Variants in PTPRZ1 observed in about 807,000 individuals in gnomAD.
PTPRZ1 encodes protein tyrosine phosphatase receptor type Z1.
A neutral mutation model predicts 214.1 loss-of-function variants in PTPRZ1; 82 were observed. The observed-to-expected ratio is 0.38, with a 90% CI of 0.32 to 0.46. The LOEUF (loss-of-function observed/expected upper bound fraction) is 0.46. Among genes scored for constraint, PTPRZ1 ranks in the 20% least tolerant of loss-of-function variants. The pLI, the probability that PTPRZ1 is intolerant of heterozygous loss-of-function variation, is 1.00. For synonymous variants in PTPRZ1, 945 were observed against 987.9 expected, an observed-to-expected ratio of 0.96 and a Z score of 0.81; for missense variants, 2,603 against 2,748.7, an observed-to-expected ratio of 0.95 and a Z score of 1.19.
intron 12 of PTPRZ1, among the ~76,000 whole-genome samples, chr7:122,017,601 G>T (rs1211849653): frequency 6.7e-6 from 1 of 148,514 alleles, no homozygotes; most frequent in African/African-American, 2.5e-5. Flanking sequence ...TCACTCTGTT[G>T]CCCAGGCTGT....
chr7:121,928,376 G>A (rs931168248), intron 2 of PTPRZ1, among the ~76,000 whole-genome samples, 155 bp downstream of exon 2: 2 of 152,036 alleles, frequency 1.3e-5, no homozygotes, highest in African/African-American at 2.4e-5. Context: ...AATATAAAAC[G>A]ATATCTTATG....
intron 1 of PTPRZ1, among the ~76,000 whole-genome samples, chr7:121,905,118 G>A (rs1795078685): frequency 6.6e-6 from 1 of 152,158 alleles, no homozygotes; most frequent in Admixed American, 6.6e-5. Context: ...TTTTGCCAAA[G>A]AAACTATAGA....
chr7:121,888,312 C>T (rs138852441), intron 1 of PTPRZ1, among the ~76,000 whole-genome samples: 1 of 151,452 alleles, frequency 6.6e-6, no homozygotes, highest in African/African-American at 2.4e-5. Context: ...CCCAGTAAGA[C>T]ATGTAAAACA....
intron 4 of PTPRZ1, among the ~76,000 whole-genome samples, chr7:121,973,415 T>A (rs1797317155): frequency 6.6e-6 from 1 of 152,172 alleles, no homozygotes; most frequent in Admixed American, 6.5e-5. Context: ...AATTTTTTAA[T>A]ACATTAAAAT....
chr7:121,949,652 C>T (rs1432920686), intron 2 of PTPRZ1, among the ~76,000 whole-genome samples: 3 of 152,102 alleles, frequency 2.0e-5, no homozygotes, highest in Non-Finnish European at 1.5e-5. Flanking sequence ...ACAAGGTGGT[C>T]AGAGCACAGT....
At chr7:121,895,538 A>G (rs1252543368) in intron 1 of PTPRZ1, among the ~76,000 whole-genome samples, 2 of 152,204 alleles carry the variant, frequency 1.3e-5, no homozygotes, top group Non-Finnish European at 2.9e-5. Flanking sequence ...AGGAGAAAGT[A>G]AAGATTTTGT....
At position 121,968,078 on chromosome 7, in the gene PTPRZ1, T is replaced by G; in HGVS notation, c.252T>G (p.Gly84=). The change falls in exon 3 of 30, where the codon GGT becomes GGG. Residue 84 remains glycine, a synonymous_variant. Coordinates refer to ENST00000393386, the MANE Select transcript of PTPRZ1 (RefSeq NM_002851.3). The part of the protein sequence containing the change: ...NVNLKKLKFQ[G]WDKTSLENTF... ...ATCTTAAGAAACTTAAATTTCAGGG[T>G]TGGGATAAAACATCATTGGAAAACA... 6.2e-7 allele frequency: 1 copy of G among 1,608,038 alleles called. No individual in the cohort carries two copies. Among genetic ancestry groups the G allele is most frequent in the Non-Finnish European group, 8.5e-7 (1 of 1,176,766 alleles).
At chr7:121,911,831 A>G (rs1199634629) in intron 1 of PTPRZ1, among the ~76,000 whole-genome samples, 1 of 152,036 alleles carries the variant, frequency 6.6e-6, no homozygotes, top group Admixed American at 6.6e-5. Context: ...TCACTTTATT[A>G]AGCTATTCAA....
intron 1 of PTPRZ1, among the ~76,000 whole-genome samples, chr7:121,907,448 T>A (rs1314796521): frequency 6.6e-6 from 1 of 152,002 alleles, no homozygotes; most frequent in African/African-American, 2.4e-5. Context: ...TTTTAGGACA[T>A]ATGTATATAC....
chr7:122,055,192 T>G, intron 27 of PTPRZ1, 105 bp downstream of exon 27: 1 of 980,596 alleles, frequency 1.0e-6, no homozygotes, highest in Non-Finnish European at 1.4e-6. Flanking sequence ...TCTGATTTTT[T>G]CCCCATTGAG....
At chr7:121,904,367 G>C (rs2116278133) in intron 1 of PTPRZ1, among the ~76,000 whole-genome samples, 1 of 152,236 alleles carries the variant, frequency 6.6e-6, no homozygotes, top group African/African-American at 2.4e-5. Context: ...TGGCAGCCTG[G>C]AACCAGGCCT....
intron 2 of PTPRZ1, among the ~76,000 whole-genome samples, chr7:121,946,896 A>G (rs2116442454): frequency 6.6e-6 from 1 of 152,296 alleles, no homozygotes; most frequent in East Asian, 1.9e-4. Flanking sequence ...TCTATAAAAT[A>G]ACTGTAGTCT....
chr7:122,037,571 G>A (rs1019655526), intron 18 of PTPRZ1, among the ~76,000 whole-genome samples: 2 of 152,280 alleles, frequency 1.3e-5, no homozygotes, highest in Admixed American at 1.3e-4. Context: ...TCCCTAAGAT[G>A]CACCTCTCAG....
chr7:122,051,088 G>A (rs1396539316), intron 23 of PTPRZ1, among the ~76,000 whole-genome samples: 2 of 151,972 alleles, frequency 1.3e-5, no homozygotes, highest in African/African-American at 2.4e-5. Flanking sequence ...ACACACACAC[G>A]ATGTAATTTA....
intron 1 of PTPRZ1, among the ~76,000 whole-genome samples, chr7:121,927,754 A>G (rs749471344): frequency 1.3e-5 from 2 of 152,230 alleles, no homozygotes; most frequent in Non-Finnish European, 2.9e-5. Context: ...TAAAACTTGG[A>G]TTGTAAACAT....
At chr7:122,044,763 A>G (rs1040133465) in intron 23 of PTPRZ1, among the ~76,000 whole-genome samples, 195 bp downstream of exon 23, 4 of 152,220 alleles carry the variant, frequency 2.6e-5, no homozygotes, top group African/African-American at 9.6e-5. Context: ...CTGAGCAGCA[A>G]GAGGAAAAGT....
intron 13 of PTPRZ1, among the ~76,000 whole-genome samples, chr7:122,026,091 C>A (rs914872495): frequency 1.3e-5 from 2 of 152,054 alleles, no homozygotes; most frequent in Non-Finnish European, 2.9e-5. Context: ...ATCAAGAAGA[C>A]CTATTCTTTG....
At chr7:122,025,044 T>TA (rs1799167265) in intron 13 of PTPRZ1, among the ~76,000 whole-genome samples, 1 of 152,202 alleles carries the variant, frequency 6.6e-6, no homozygotes, top group African/African-American at 2.4e-5. Context: ...TGGTGGGATT[T>TA]ACTTGCTATT....
At chr7:121,950,309 G>GT (rs1009720343) in intron 2 of PTPRZ1, among the ~76,000 whole-genome samples, 34 of 152,202 alleles carry the variant, frequency 2.2e-4, no homozygotes, top group African/African-American at 8.2e-4. Context: ...TGAGACTTGG[G>GT]TGGGGACACA....
Sources: allele counts gnomAD v4.1 joint callset (sites outside exome capture counted in the v4.1 genomes callset), GRCh38; gene constraint gnomAD v4.1.1; transcripts MANE v1.5; gene names NCBI Gene and HGNC (gene_info 2026-07-23, HGNC 2026-07-21).